The following HS1BP3 variants were observed in gnomAD, a reference collection of about 807,000 sequenced individuals.
HS1BP3 encodes HCLS1 binding protein 3.
In HS1BP3, 32 loss-of-function variants were observed where a neutral mutation model predicts 33.5. The observed-to-expected ratio is 0.95, with a 90% CI of 0.72 to 1.28. The LOEUF is 1.28. Among genes scored for constraint, HS1BP3 ranks in the 50% most tolerant of loss-of-function variants. The pLI is 0.00. For synonymous variants in HS1BP3, 187 were observed against 209.2 expected (o/e 0.89, Z 0.92); for missense variants, 486 against 502.3 (o/e 0.97, Z 0.31).
At chr2:20,575,440 C>T (rs1693375622) in intron 5 of HS1BP3, among the ~76,000 whole-genome samples, 1 of 152,396 alleles carries the variant, frequency 6.6e-6, no homozygotes, top group Middle Eastern at 3.4e-3. Context: ...GGGCCCACCC[C>T]TTCCTCTCTA....
At chr2:20,595,941 C>T (rs1693933229) in intron 3 of HS1BP3, among the ~76,000 whole-genome samples, 2 of 152,218 alleles carry the variant, frequency 1.3e-5, no homozygotes, top group Non-Finnish European at 2.9e-5. Flanking sequence ...ATGACAGTTT[C>T]CCACGTTCTT....
intron 3 of HS1BP3, chr2:20,640,534 TC>T (rs1257893850): frequency 2.4e-6 from 1 of 416,946 alleles, no homozygotes; most frequent in Non-Finnish European, 4.3e-6. Flanking sequence ...GAAGCACATG[TC>T]CCCAGGGGCA....
chr2:20,641,647 T>C (rs959880042), intron 2 of HS1BP3, among the ~76,000 whole-genome samples: 4 of 152,164 alleles, frequency 2.6e-5, no homozygotes, highest in African/African-American at 7.2e-5. Flanking sequence ...ATGCAAGCAG[T>C]GGAGACAGAT....
At chr2:20,606,285 C>T (rs184481747) in intron 2 of HS1BP3, 6 of 427,060 alleles carry the variant, frequency 1.4e-5, no homozygotes, top group East Asian at 1.1e-4. Context: ...CCTGTTCATG[C>T]GTCTTCACCA....
At chr2:20,582,784 C>T (rs1045290835) in intron 5 of HS1BP3, among the ~76,000 whole-genome samples, 10 of 152,184 alleles carry the variant, frequency 6.6e-5, no homozygotes, top group African/African-American at 2.4e-4. Context: ...TCAGCTCATC[C>T]TGCTCCAGGG....
intron 5 of HS1BP3, among the ~76,000 whole-genome samples, chr2:20,580,536 A>AG: frequency 6.6e-6 from 1 of 152,268 alleles, no homozygotes; most frequent in South Asian, 2.1e-4. Context: ...AGAAAAAAAA[A>AG]GAAAAGAAAC....
intron 1 of HS1BP3, among the ~76,000 whole-genome samples, chr2:20,646,506 T>C (rs963325733): frequency 2.0e-5 from 3 of 152,232 alleles, no homozygotes; most frequent in African/African-American, 7.2e-5. Context: ...AACGCTGCTG[T>C]CACCAACTGG....
intron 6 of HS1BP3, among the ~76,000 whole-genome samples, chr2:20,619,933 G>C (rs1208524386): frequency 1.3e-5 from 2 of 152,354 alleles, no homozygotes; most frequent in East Asian, 3.9e-4. Flanking sequence ...TGAGAGCTGA[G>C]GATGGCCTCG....
At chr2:20,617,346 G>A (rs1228105526), downstream of HS1BP3, among the ~76,000 whole-genome samples, 2 of 152,216 alleles carry the variant, frequency 1.3e-5, no homozygotes, top group East Asian at 3.9e-4. Flanking sequence ...GCCGGTGCTG[G>A]AGCTGTCCCA....
Position 20,625,019 on chromosome 2 carries a change from G to A in HS1BP3, c.624-127C>T, listed in dbSNP as rs992788673. 61 of 1,137,360 alleles carry A rather than the reference G, an allele frequency of 5.4e-5. 1 individual carries two copies. The highest frequency in any genetic ancestry group is 2.7e-4 in the Middle Eastern group (1 of 3,674). 70.5% of individuals were successfully genotyped at this position (1,137,360 alleles called of 1,614,324 possible). A position where few individuals can be genotyped will look rare whatever the true frequency, so the allele number is the denominator to read the frequency against. On this transcript the variant is annotated intron_variant, in intron 4 of 6. Coordinates refer to ENST00000304031, the MANE Select transcript of HS1BP3 (RefSeq NM_022460.4). Reference sequence around the variant, plus strand: ...GATGCCATGGGCCAGAAAAGACCAGGCCAGAGGGACCAGGGAAGTCCTGGA... The same window carrying A: ...GATGCCATGGGCCAGAAAAGACCAGACCAGAGGGACCAGGGAAGTCCTGGA...
At chr2:20,608,574 CAAA>C (rs60486220) in intron 2 of HS1BP3, among the ~76,000 whole-genome samples, 1,633 of 96,356 alleles carry the variant, frequency 0.017, 26 homozygotes, top group African/African-American at 0.057. Context: ...AACTCCGTCT[CAAA>C]AAAAAAAAAA....
chr2:20,560,106 G>C (rs1692954194), downstream of HS1BP3, among the ~76,000 whole-genome samples: 2 of 152,192 alleles, frequency 1.3e-5, no homozygotes. Flanking sequence ...CAGACCCCAT[G>C]GACATTTGGC....
At chr2:20,614,608 G>A (rs1336483898), downstream of HS1BP3, among the ~76,000 whole-genome samples, 1 of 152,200 alleles carries the variant, frequency 6.6e-6, no homozygotes, top group East Asian at 1.9e-4. Flanking sequence ...CACACGGTAG[G>A]TGCCCATTAC....
At chr2:20,624,627 G>A (rs1694712635) in intron 5 of HS1BP3, 105 bp downstream of exon 5, 1 of 1,051,178 alleles carries the variant, frequency 9.5e-7, no homozygotes, top group Non-Finnish European at 1.4e-6. Flanking sequence ...AACAGGACAG[G>A]GGAGATATAT....
intron 2 of HS1BP3, among the ~76,000 whole-genome samples, chr2:20,601,485 T>G (rs779668043): frequency 3.9e-5 from 6 of 152,198 alleles, no homozygotes. Context: ...TGAATTGTAG[T>G]TACCATAATT....
At chr2:20,555,470 C>T (rs1199769875), downstream of HS1BP3, among the ~76,000 whole-genome samples, 1 of 152,172 alleles carries the variant, frequency 6.6e-6, no homozygotes, top group Non-Finnish European at 1.5e-5. Flanking sequence ...GCACAGGTCA[C>T]ACATGCATGA....
chr2:20,572,860 A>G (rs539922773), intron 5 of HS1BP3, among the ~76,000 whole-genome samples: 1 of 152,144 alleles, frequency 6.6e-6, no homozygotes, highest in African/African-American at 2.4e-5. Context: ...TGCTCCTTGC[A>G]CTTCTAACTG....
intron 5 of HS1BP3, among the ~76,000 whole-genome samples, chr2:20,587,505 G>A (rs1295233536): frequency 1.3e-5 from 2 of 152,174 alleles, no homozygotes; most frequent in African/African-American, 2.4e-5. Context: ...AGAGCCTGGC[G>A]AAAGGTTGAC....
intron 5 of HS1BP3, among the ~76,000 whole-genome samples, chr2:20,570,951 C>T (rs938984830): frequency 2.0e-4 from 30 of 152,176 alleles, no homozygotes; most frequent in African/African-American, 7.2e-4. Context: ...TGGATTTTAT[C>T]CTAAAGGCAC....
Sources: gnomAD v4.1 joint callset for allele counts (sites outside exome capture counted in the v4.1 genomes callset) on GRCh38, gnomAD v4.1.1 for gene constraint, MANE v1.5 for transcripts, NCBI Gene and HGNC (gene_info 2026-07-23, HGNC 2026-07-21) for gene names.